Variants in NAALADL2 observed in about 807,000 individuals in gnomAD.
NAALADL2 encodes the protein inactive N-acetylated-alpha-linked acidic dipeptidase-like protein 2.
Under a neutral mutation model 87.2 loss-of-function variants are expected in NAALADL2, and 76 were observed. The ratio of observed to expected loss-of-function variants is 0.87; its 90% CI spans 0.72 to 1.05. The LOEUF is 1.05. NAALADL2 is among the 50% of genes least tolerant of loss of function. NAALADL2 has a pLI of 0.00. For missense variants in NAALADL2, 1,089 were observed against 945.8 expected, an observed-to-expected ratio of 1.15 and a Z score of -1.99; for synonymous variants, 354 against 331.0, an observed-to-expected ratio of 1.07 and a Z score of -0.75.
chr3:174,700,793 C>T (rs1729476764), intron 2 of NAALADL2, among the ~76,000 whole-genome samples: 1 of 152,108 alleles, frequency 6.6e-6, no homozygotes, highest in South Asian at 2.1e-4. Context: ...TATAGAGTGA[C>T]TTAGAAGGAG....
At chr3:175,605,640 G>GTTTTTTTTTTTTTTTTTTTTTT (rs751433758) in intron 10 of NAALADL2, among the ~76,000 whole-genome samples, 1 of 36,688 alleles carries the variant, frequency 2.7e-5, no homozygotes, top group Admixed American at 3.4e-4. Context: ...TATATTGCTT[G>GTTTTTTTTTTTTTTTTTTTTTT]TTTTTTTTTT....
At chr3:175,455,594 G>T (rs1055991106) in intron 6 of NAALADL2, among the ~76,000 whole-genome samples, 2 of 152,062 alleles carry the variant, frequency 1.3e-5, no homozygotes, top group African/African-American at 4.8e-5. Context: ...CCAAAAGTAT[G>T]CAAGCTCACA....
chr3:174,705,816 C>G (rs1730017929), intron 2 of NAALADL2, among the ~76,000 whole-genome samples: 1 of 150,654 alleles, frequency 6.6e-6, no homozygotes, highest in Non-Finnish European at 1.5e-5. Context: ...AGTTCTGGGT[C>G]TCTTAAATTA....
chr3:174,850,561 G>C (rs113638072), intron 3 of NAALADL2, among the ~76,000 whole-genome samples: 2,988 of 152,160 alleles, frequency 0.02, 103 homozygotes, highest in African/African-American at 0.069. Context: ...AAATTAAGCT[G>C]GAGGATTCAA....
intron 1 of NAALADL2, among the ~76,000 whole-genome samples, chr3:175,005,505 C>T (rs1748891501): frequency 6.6e-6 from 1 of 152,074 alleles, no homozygotes; most frequent in South Asian, 2.1e-4. Flanking sequence ...TTTTAAGTCC[C>T]TGAAACATAC....
rs570420502 is a variant in NAALADL2, at chr3:175,017,620, G to T, written c.44-79170G>T. Among the ~76,000 whole-genome samples, 86 of 152,170 alleles carry T rather than the reference G, an allele frequency of 5.7e-4. 1 individual carries two copies. The highest frequency in any genetic ancestry group is 1.8e-3 in the African/African-American group (75 of 41,528). Reference sequence around the variant, plus strand: ...GTCCGATTTTCCCAAAAAATGAAATGATTTCAAAGCCCTGCATGAAGACTC... The same window carrying T: ...GTCCGATTTTCCCAAAAAATGAAATTATTTCAAAGCCCTGCATGAAGACTC... On this transcript the variant is annotated intron_variant, in intron 1 of 13. Coordinates refer to ENST00000454872, the MANE Select transcript of NAALADL2 (RefSeq NM_207015.3).
chr3:174,704,197 T>G (rs1400936416), intron 2 of NAALADL2, among the ~76,000 whole-genome samples: 7 of 152,134 alleles, frequency 4.6e-5, no homozygotes, highest in Non-Finnish European at 1.0e-4. Flanking sequence ...GATAAAGTGT[T>G]CCAGTGCTAT....
chr3:174,940,237 C>T (rs1186943921), intron 1 of NAALADL2, among the ~76,000 whole-genome samples: 1 of 152,068 alleles, frequency 6.6e-6, no homozygotes, highest in Non-Finnish European at 1.5e-5. Context: ...TGAGTTTTTT[C>T]AAAAGCCTTT....
intron 1 of NAALADL2, among the ~76,000 whole-genome samples, chr3:174,478,984 C>T (rs1332112176): frequency 1.3e-5 from 2 of 152,236 alleles, no homozygotes; most frequent in Admixed American, 6.5e-5. Flanking sequence ...GTTGGGATCA[C>T]AGGCGTGAGC....
chr3:175,800,986 C>T (rs1451857709), intron 13 of NAALADL2, among the ~76,000 whole-genome samples: 1 of 152,078 alleles, frequency 6.6e-6, no homozygotes, highest in African/African-American at 2.4e-5. Context: ...GATTTCACTC[C>T]CCATTAATCC....
rs538406327 is a variant in NAALADL2 at position 174,800,594 on chromosome 3, C to G, written c.-9+62848C>G. Reference sequence around the variant, plus strand: ...GATGTGGGTTTGGAGCCCCTCCCCCCCAACAGAGTCCCTACTGGGGCACCG... The same window carrying G: ...GATGTGGGTTTGGAGCCCCTCCCCCGCAACAGAGTCCCTACTGGGGCACCG... On this transcript the variant is annotated intron_variant, in intron 3 of 3. Transcript: ENST00000434257. Among the ~76,000 whole-genome samples the G allele has an allele frequency of 9.2e-5, 14 of 152,296 alleles. No individual in the cohort carries two copies. The South Asian group carries it at 1.5e-3, about 16-fold the overall frequency.
chr3:175,382,539 A>G (rs1028283432), intron 5 of NAALADL2, among the ~76,000 whole-genome samples: 1 of 53,260 alleles, frequency 1.9e-5, no homozygotes, highest in South Asian at 5.8e-4. Flanking sequence ...CCATGGTTAT[A>G]AGAAAGTATC....
intron 11 of NAALADL2, among the ~76,000 whole-genome samples, chr3:175,722,637 A>G (rs1469132657): frequency 4.6e-5 from 7 of 152,150 alleles, no homozygotes; most frequent in Admixed American, 4.6e-4. Context: ...TTTAAGTGAA[A>G]TAAGCTTTTT....
chr3:175,179,979 T>C (rs1321298234), intron 2 of NAALADL2, among the ~76,000 whole-genome samples: 2 of 152,002 alleles, frequency 1.3e-5, no homozygotes, highest in Non-Finnish European at 2.9e-5. Context: ...TTTAAACACA[T>C]TTCAATTTCT....
At chr3:175,601,698 A>G (rs149022282) in intron 10 of NAALADL2, among the ~76,000 whole-genome samples, 8 of 152,336 alleles carry the variant, frequency 5.3e-5, no homozygotes, top group Non-Finnish European at 8.8e-5. Flanking sequence ...ACACCCACAC[A>G]GTAGCTGACC....
chr3:175,589,946 T>C (rs9873137), intron 10 of NAALADL2, among the ~76,000 whole-genome samples: 119,189 of 152,002 alleles, frequency 0.78, 46,867 homozygotes, highest in East Asian at 0.88. Context: ...GGTGTGGTGG[T>C]TCACGCCTAT....
At chr3:175,787,001 G>A (rs1197994043) in intron 13 of NAALADL2, among the ~76,000 whole-genome samples, 2 of 151,958 alleles carry the variant, frequency 1.3e-5, no homozygotes, top group Admixed American at 6.6e-5. Flanking sequence ...CCTGCTGGGG[G>A]GTGCCTCCCA....
chr3:174,987,598 AC>A (rs1162061039), intron 1 of NAALADL2, among the ~76,000 whole-genome samples: 28 of 135,804 alleles, frequency 2.1e-4, no homozygotes, highest in African/African-American at 7.1e-4. Flanking sequence ...AAAAAAAAAA[AC>A]AATACTCATC....
intron 4 of NAALADL2, among the ~76,000 whole-genome samples, chr3:175,320,572 A>T (rs1033157979): frequency 2.6e-5 from 4 of 152,144 alleles, no homozygotes; most frequent in African/African-American, 9.7e-5. Context: ...AAACAGTGTG[A>T]CAGTATTTCA....
Sources: gnomAD v4.1 joint callset for allele counts (sites outside exome capture counted in the v4.1 genomes callset) on GRCh38, gnomAD v4.1.1 for gene constraint, MANE v1.5 for transcripts, NCBI Gene and HGNC (gene_info 2026-07-23, HGNC 2026-07-21) for gene names.